The following KCNQ1 variants were observed in gnomAD, a reference collection of about 807,000 sequenced individuals.
The protein encoded by KCNQ1 is potassium voltage-gated channel subfamily KQT member 1.
A neutral mutation model predicts 72.4 loss-of-function variants in KCNQ1; 49 were observed. That is an observed-to-expected ratio of 0.68 (90% CI 0.54 to 0.86). The LOEUF (loss-of-function observed/expected upper bound fraction) is 0.86, where lower values mean the gene tolerates loss of function less well. KCNQ1 is among the 40% of genes least tolerant of loss of function. The pLI, the probability that KCNQ1 is intolerant of heterozygous loss-of-function variation, is 0.00. For synonymous variants in KCNQ1, 450 were observed against 412.6 expected, an observed-to-expected ratio of 1.09 and a Z score of -1.10; for missense variants, 790 against 945.1, an observed-to-expected ratio of 0.84 and a Z score of 2.15.
At position 2,541,842 on chromosome 11, in the gene KCNQ1, G is replaced by A. The variant is rs906560416; in HGVS notation, c.477+13824G>A. Among the ~76,000 whole-genome samples the A allele has an allele frequency of 5.3e-5, 8 of 152,082 alleles. No homozygotes were observed. The highest frequency in any genetic ancestry group is 1.3e-4 in the Admixed American group (2 of 15,286). On this transcript the variant is annotated intron_variant, in intron 2 of 15. Coordinates refer to ENST00000155840, the MANE Select transcript of KCNQ1 (RefSeq NM_000218.3). The surrounding 1 kb of genome is among the most constrained non-coding windows in gnomAD (Gnocchi z 4.8). ...AGTTCATGGAGCCCCTGTCAGAGGC[G>A]CTGAGGCCCAGGTCCTGTGGCTGGT...
At chr11:2,644,289 T>C (rs1347867594) in intron 10 of KCNQ1, 9 of 398,360 alleles carry the variant, frequency 2.3e-5, no homozygotes, top group Admixed American at 8.8e-5. Flanking sequence ...TTTTTCTATA[T>C]TTTTGTCTGA....
chr11:2,737,899 G>A (rs1845985964), intron 11 of KCNQ1, among the ~76,000 whole-genome samples: 1 of 152,190 alleles, frequency 6.6e-6, no homozygotes, highest in Non-Finnish European at 1.5e-5. Context: ...AGGGAAAGGG[G>A]TTGGTGCCCC....
At chr11:2,805,836 G>A (rs757699574) in intron 15 of KCNQ1, among the ~76,000 whole-genome samples, 19 of 152,156 alleles carry the variant, frequency 1.2e-4, no homozygotes, top group Non-Finnish European at 2.4e-4. Flanking sequence ...CACGTATCAC[G>A]GGGATTAAAA....
At position 2,550,885 on chromosome 11, in the gene KCNQ1, G is replaced by A. The variant is rs1335687080; in HGVS notation, c.478-19743G>A. Among the ~76,000 whole-genome samples, 2 of 152,066 alleles carry A rather than the reference G, an allele frequency of 1.3e-5. No individual in the cohort carries two copies. The highest frequency in any genetic ancestry group is 1.9e-4 in the East Asian group (1 of 5,154). ...GCCTGGGGAGGCTGCCAAGTGAGGGGGGGGCACAGACTGAGACAGGGTCCC... is the reference window on the plus strand; with the variant it reads ...GCCTGGGGAGGCTGCCAAGTGAGGGAGGGGCACAGACTGAGACAGGGTCCC... On this transcript the variant is annotated intron_variant, in intron 2 of 15. Transcript: ENST00000155840. The surrounding 1 kb of genome is among the most constrained non-coding windows in gnomAD (Gnocchi z 6.0).
In KCNQ1 at chr11:2,451,689, C is replaced by T. The variant is rs374767334; in HGVS notation, c.386+6205C>T. On this transcript the variant is annotated intron_variant, in intron 1 of 15. Transcript: ENST00000155840. The surrounding 1 kb of genome is among the most constrained non-coding windows in gnomAD (Gnocchi z 6.4). ...CAGGAACTTCTCCTGATGGAAGAGC[C>T]GGGCTGGGGAGCTGACTCCAGGACA... Among the ~76,000 whole-genome samples, 231 of 152,262 alleles carry T rather than the reference C, an allele frequency of 1.5e-3. 1 individual carries two copies. The highest frequency in any genetic ancestry group is 5.4e-3 in the African/African-American group (224 of 41,558).
intron 15 of KCNQ1, among the ~76,000 whole-genome samples, chr11:2,837,316 C>T (rs2237897): frequency 0.085 from 12,853 of 152,042 alleles, 1,040 homozygotes; most frequent in East Asian, 0.35. Context: ...GAGCTGGGGA[C>T]GAGGGGCCTC....
intron 1 of KCNQ1, among the ~76,000 whole-genome samples, chr11:2,523,462 A>T (rs747654005): frequency 1.4e-4 from 22 of 152,150 alleles, no homozygotes; most frequent in Non-Finnish European, 3.1e-4. Flanking sequence ...GGCCTCCCAA[A>T]GTGCTGGGAT....
Position 2,478,929 on chromosome 11 carries a change from T to A in KCNQ1, c.386+33445T>A, listed in dbSNP as rs12288422. 0.11 allele frequency among the ~76,000 whole-genome samples: 16,139 copies of A among 152,172 alleles called. 1,147 individuals are homozygous for A. Among genetic ancestry groups the A allele is most frequent in the East Asian group, 0.24 (1,254 of 5,166 alleles). ...ACAGGCCTTGGATAAATACACCCATTTGAAATGGGAGTAATTGGCCAAAAC... is the reference window on the plus strand; with the variant it reads ...ACAGGCCTTGGATAAATACACCCATATGAAATGGGAGTAATTGGCCAAAAC... On this transcript the variant is annotated intron_variant, in intron 1 of 15. Transcript: ENST00000155840. This position sits in a 1 kb window ranked among gnomAD's most constrained non-coding sequence, Gnocchi z 4.0.
chr11:2,562,160 C>T lies in KCNQ1; in HGVS notation c.478-8468C>T, dbSNP rs1270923552. 6.7e-6 allele frequency among the ~76,000 whole-genome samples: 1 copy of T among 148,412 alleles called. No individual in the cohort carries two copies. The highest frequency in any genetic ancestry group is 2.5e-5 in the African/African-American group (1 of 40,172). Reference sequence around the variant, plus strand: ...GGGCCTGGCCGGCTGCACTGTGGCGCCTGCCCCAGGCCAGGCTACCTTGGG... The same window carrying T: ...GGGCCTGGCCGGCTGCACTGTGGCGTCTGCCCCAGGCCAGGCTACCTTGGG... On this transcript the variant is annotated intron_variant, in intron 2 of 15. Transcript: ENST00000155840. This position sits in a 1 kb window ranked among gnomAD's most constrained non-coding sequence, Gnocchi z 7.5.
chr11:2,779,914 C>T (rs1274808550), intron 15 of KCNQ1, among the ~76,000 whole-genome samples: 1 of 152,246 alleles, frequency 6.6e-6, no homozygotes, highest in African/African-American at 2.4e-5. Context: ...GAAGCATTTT[C>T]CGGAGTCCCT....
intron 15 of KCNQ1, among the ~76,000 whole-genome samples, chr11:2,795,027 G>GA (rs1457206814): frequency 1.3e-5 from 2 of 152,198 alleles, no homozygotes; most frequent in African/African-American, 4.8e-5. Flanking sequence ...TGATGACTCA[G>GA]AGGGTCCTCT....
intron 10 of KCNQ1, chr11:2,615,971 G>C (rs989324015): frequency 4.0e-5 from 16 of 398,008 alleles, no homozygotes; most frequent in Admixed American, 8.8e-5. Flanking sequence ...TAATTCAACA[G>C]TGACGCCATC....
rs1299059939 is a variant in KCNQ1 at position 2,526,164 on chromosome 11, C to T, written c.387-1764C>T. Among the ~76,000 whole-genome samples the T allele has an allele frequency of 6.6e-6, 1 of 152,108 alleles. No homozygotes were observed. The highest frequency in any genetic ancestry group is 1.5e-5 in the Non-Finnish European group (1 of 68,016). On this transcript the variant is annotated intron_variant, in intron 1 of 15. Coordinates refer to ENST00000155840, the MANE Select transcript of KCNQ1 (RefSeq NM_000218.3). The surrounding 1 kb of genome is among the most constrained non-coding windows in gnomAD (Gnocchi z 6.1). ...AAGGGCCGGGAGGAGCTGGGGTGATCTGGGGCCATCGTGGTGTAAATACTG... is the reference window on the plus strand; with the variant it reads ...AAGGGCCGGGAGGAGCTGGGGTGATTTGGGGCCATCGTGGTGTAAATACTG...
At chr11:2,644,489 A>G in intron 10 of KCNQ1, 1 of 397,792 alleles carries the variant, frequency 2.5e-6, no homozygotes, top group Non-Finnish European at 4.4e-6. Flanking sequence ...GTTTTTTCTG[A>G]TTTCTTTGTA....
Position 2,541,525 on chromosome 11 carries a change from G to A in KCNQ1, c.477+13507G>A, listed in dbSNP as rs555502597. On this transcript the variant is annotated intron_variant, in intron 2 of 15. Coordinates refer to ENST00000155840, the MANE Select transcript of KCNQ1 (RefSeq NM_000218.3). The surrounding 1 kb of genome is among the most constrained non-coding windows in gnomAD (Gnocchi z 4.8). ...GTTCTCAGTGTGGCCTACCCAGCCA[G>A]GTCCCTGGACCTGGCGGTGGCTATG... Among the ~76,000 whole-genome samples, 84 of 152,154 alleles carry A rather than the reference G, an allele frequency of 5.5e-4. No individual in the cohort carries two copies. The highest frequency in any genetic ancestry group is 2.6e-3 in the Admixed American group (39 of 15,280).
intron 2 of KCNQ1, among the ~76,000 whole-genome samples, chr11:2,540,176 C>CCTCTGA (rs1051214009): frequency 6.6e-6 from 1 of 152,168 alleles, no homozygotes. Context: ...CCTGAGGTCT[C>CCTCTGA]CTCTGACGCT....
At chr11:2,802,828 G>A (rs1380739641) in intron 15 of KCNQ1, among the ~76,000 whole-genome samples, 1 of 152,196 alleles carries the variant, frequency 6.6e-6, no homozygotes, top group Non-Finnish European at 1.5e-5. Flanking sequence ...GAAGCTGAGT[G>A]GCCACCCACC....
intron 11 of KCNQ1, among the ~76,000 whole-genome samples, chr11:2,740,351 A>G (rs558962195): frequency 4.6e-5 from 7 of 152,368 alleles, no homozygotes; most frequent in African/African-American, 1.7e-4. Context: ...CTGGCTCTCC[A>G]AATATACTTA....
intron 2 of KCNQ1, among the ~76,000 whole-genome samples, chr11:2,534,770 G>A (rs999336391): frequency 1.2e-4 from 18 of 152,234 alleles, no homozygotes; most frequent in African/African-American, 3.1e-4. Flanking sequence ...GCTTCAGAAC[G>A]CGGTCGTCTT....
Sources: allele counts gnomAD v4.1 joint callset (sites outside exome capture counted in the v4.1 genomes callset), GRCh38; gene constraint gnomAD v4.1.1; non-coding constraint Gnocchi (gnomAD v3.1); transcripts MANE v1.5; gene names NCBI Gene and HGNC (gene_info 2026-07-23, HGNC 2026-07-21).